Variants in ICE1 observed in about 807,000 individuals in gnomAD.
ICE1 encodes little elongation complex subunit 1.
In ICE1, 64 loss-of-function variants were observed where a neutral mutation model predicts 192.7. That is an observed-to-expected ratio of 0.33 (90% CI 0.27 to 0.41). ICE1 has a LOEUF of 0.41. Ranked by LOEUF, ICE1 falls within the 10% of genes least tolerant of loss-of-function variation. The pLI, the probability that ICE1 is intolerant of heterozygous loss-of-function variation, is 1.00. For missense variants in ICE1, 2,708 were observed against 2,696.0 expected (o/e 1.00, Z -0.10); for synonymous variants, 1,010 against 984.5 (o/e 1.03, Z -0.49).
chr5:5,449,074 C>T (rs1738336206), intron 10 of ICE1, among the ~76,000 whole-genome samples: 2 of 150,796 alleles, frequency 1.3e-5, no homozygotes, highest in Non-Finnish European at 2.9e-5. Context: ...CTATTCAAAG[C>T]AGAACCCTTC....
At position 5,460,557 on chromosome 5, in the gene ICE1, GA is replaced by G; in HGVS notation, c.1229del (p.Asn410IlefsTer20). The G allele has an allele frequency of 6.2e-7, 1 of 1,612,260 alleles. No individual in the cohort carries two copies. On this transcript the variant is annotated frameshift_variant, in exon 13 of 19. Coordinates refer to ENST00000296564, the MANE Select transcript of ICE1 (RefSeq NM_015325.3). LOFTEE classifies it high-confidence loss of function. Reference protein sequence around the residue: ...TESQNYFGSLRKNKGSGTWEE... With the variant: ...TESQNYFGSLXKNKGSGTWEE... ...TCACAGAATTATTTTGGCTCATTGA[GA>G]AAAAATAAAGGAAGTGGCACATGGG...
chr5:5,433,713 A>T (rs987254521), intron 1 of ICE1, among the ~76,000 whole-genome samples: 2 of 152,182 alleles, frequency 1.3e-5, no homozygotes, highest in African/African-American at 4.8e-5. Flanking sequence ...AAATAAGGTC[A>T]TTCTAAAATA....
Position 5,441,235 on chromosome 5 carries a change from A to C in ICE1, c.309+12A>C. On this transcript the variant is annotated intron_variant, in intron 5 of 18. Transcript: ENST00000296564. Reference sequence around the variant, plus strand: ...TAGAAGAGAAAAAGGTATGAACAATAATTTTCTGTAAAGATTTACGGTCAA... The same window carrying C: ...TAGAAGAGAAAAAGGTATGAACAATCATTTTCTGTAAAGATTTACGGTCAA... The C allele has an allele frequency of 6.9e-7, 1 of 1,455,608 alleles. No homozygotes were observed. Among genetic ancestry groups the C allele is most frequent in the Non-Finnish European group, 9.4e-7 (1 of 1,060,430 alleles). 90.2% of individuals were successfully genotyped at this position (1,455,608 alleles called of 1,614,324 possible).
intron 14 of ICE1, among the ~76,000 whole-genome samples, chr5:5,467,576 T>C (rs1418555137): frequency 1.3e-5 from 2 of 152,230 alleles, no homozygotes; most frequent in African/African-American, 4.8e-5. Flanking sequence ...ACTTACCACT[T>C]CTTAAAGATT....
Position 5,457,569 on chromosome 5 carries a change from G to T in ICE1, c.929G>T (p.Ser310Ile). 1 of 1,614,014 alleles carries T rather than the reference G, an allele frequency of 6.2e-7. No homozygotes were observed. Among genetic ancestry groups the T allele is most frequent in the African/African-American group, 1.3e-5 (1 of 75,062 alleles). Residue 310 changes from serine (S) to isoleucine (I), a missense_variant, in exon 12 of 19, where the codon AGT (serine) becomes ATT (isoleucine). Ser to Ile is a moderately radical substitution (Grantham distance 142, BLOSUM62 -2). This residue lies in a region of ICE1 where 2,366 missense variants were observed against 2,276.6 expected (regional missense o/e 1.04). Transcript: ENST00000296564. ...GGAAATCTTGAGGTTTTAGTACAAA[G>T]TCATCGTGACGGTGGTAGTACTGAA... The part of the protein sequence containing the change: ...ENGNLEVLVQ[S>I]HRDGGSTEFV...
chr5:5,487,450 CAG>C (rs1739665534), intron 18 of ICE1, among the ~76,000 whole-genome samples: 1 of 152,126 alleles, frequency 6.6e-6, no homozygotes, highest in South Asian at 2.1e-4. Flanking sequence ...CAGAAATGCA[CAG>C]AGTTACATTT....
intron 15 of ICE1, among the ~76,000 whole-genome samples, chr5:5,470,550 CACTT>C (rs1327139860): frequency 2.0e-5 from 3 of 151,226 alleles, no homozygotes; most frequent in East Asian, 1.9e-4. Context: ...TCCAAATACT[CACTT>C]ACAGAATTAA....
In ICE1 at chr5:5,422,939, G is replaced by A; in HGVS notation, c.24G>A (p.Ser8=). MMPGETH[S]AAPGTAADLS... ...CCATGATGCCGGGCGAGACCCATTC[G>A]GCGGCGCCCGGGACGGCGGCGGACC... Residue 8 remains serine, a synonymous_variant, in exon 1 of 19, where the codon TCG becomes TCA. Transcript: ENST00000296564. 6.9e-7 allele frequency: 1 copy of A among 1,446,268 alleles called. No homozygotes were observed. Among genetic ancestry groups the A allele is most frequent in the Non-Finnish European group, 9.1e-7 (1 of 1,100,998 alleles). The allele number at this position is 1,446,268 out of a possible 1,614,324, so 89.6% of individuals were successfully genotyped here.
intron 12 of ICE1, among the ~76,000 whole-genome samples, chr5:5,458,047 A>T (rs1431290302): frequency 6.6e-6 from 1 of 152,206 alleles, no homozygotes; most frequent in African/African-American, 2.4e-5. Flanking sequence ...GGAATGACTG[A>T]ATTAAACACA....
rs530519733 is a variant in ICE1, at chr5:5,463,645, C to A, written c.4311C>A (p.Asp1437Glu). 2 of 1,613,946 alleles carry A rather than the reference C, an allele frequency of 1.2e-6. No individual in the cohort carries two copies. Among genetic ancestry groups the A allele is most frequent in the Admixed American group, 1.7e-5 (1 of 60,028 alleles). The change falls in exon 13 of 19, where the codon GAC becomes GAA. Residue 1437 changes from aspartate (D) to glutamate (E), a missense_variant. Transcript: ENST00000296564. ...ISGVAVLPHV[D>E]QVTLCDIPGD... ...GTGTAGCTGTCTTGCCACATGTGGA[C>A]CAGGTCACACTGTGTGACATTCCTG...
chr5:5,455,288 AC>A (rs1321921448), intron 11 of ICE1, among the ~76,000 whole-genome samples: 2 of 152,182 alleles, frequency 1.3e-5, no homozygotes, highest in Non-Finnish European at 2.9e-5. Context: ...ACTGATTCTT[AC>A]TTATGGTGGA....
intron 15 of ICE1, among the ~76,000 whole-genome samples, chr5:5,470,457 A>G (rs1739128854): frequency 6.6e-6 from 1 of 152,250 alleles, no homozygotes; most frequent in African/African-American, 2.4e-5. Context: ...TATTTGCTAA[A>G]TATTGTATCA....
chr5:5,463,247 T>C lies in ICE1; in HGVS notation c.3913T>C (p.Phe1305Leu). ...TTENLKEKSP[F>L]RETTGSSSHA... ...TGAGAATTTAAAAGAGAAAAGTCCA[T>C]TTCGGGAAACGACTGGCTCCTCATC... The change falls in exon 13 of 19, where the codon TTT (phenylalanine) becomes CTT (leucine). Residue 1305 changes from phenylalanine (F) to leucine (L), a missense_variant. Transcript: ENST00000296564. The C allele has an allele frequency of 6.2e-7, 1 of 1,612,768 alleles. No individual in the cohort carries two copies. The highest frequency in any genetic ancestry group is 1.3e-5 in the African/African-American group (1 of 74,974).
At chr5:5,441,941 G>A (rs140651460) in intron 5 of ICE1, among the ~76,000 whole-genome samples, 3 of 152,216 alleles carry the variant, frequency 2.0e-5, no homozygotes, top group African/African-American at 7.2e-5. Flanking sequence ...TCAGGTTAGG[G>A]GTTATTTCTT....
At chr5:5,486,640 A>C in intron 17 of ICE1, 81 bp from the exon 18 acceptor site, 1 of 918,482 alleles carries the variant, frequency 1.1e-6, no homozygotes, top group Non-Finnish European at 1.7e-6. Flanking sequence ...ACCTCTTGTA[A>C]GAGAAGTGGA....
At position 5,461,129 on chromosome 5, in the gene ICE1, A is replaced by G. The variant is rs1444908661; in HGVS notation, c.1795A>G (p.Thr599Ala). 5.6e-6 allele frequency: 9 copies of G among 1,614,022 alleles called. No individual in the cohort carries two copies. The highest frequency in any genetic ancestry group is 7.6e-6 in the Non-Finnish European group (9 of 1,179,882). The part of the protein sequence containing the change: ...SRELEKEKED[T>A]QGFTLGESPE... ...AGAATTGGAAAAGGAAAAAGAAGAT[A>G]CTCAAGGGTTCACTTTAGGAGAATC... Residue 599 changes from threonine to alanine, a missense_variant, in exon 13 of 19, where the codon ACT (threonine) becomes GCT (alanine). This residue lies in a region of ICE1 where 2,366 missense variants were observed against 2,276.6 expected (regional missense o/e 1.04). Transcript: ENST00000296564.
intron 17 of ICE1, among the ~76,000 whole-genome samples, chr5:5,484,651 G>A (rs1739588817): frequency 6.6e-6 from 1 of 152,172 alleles, no homozygotes; most frequent in Non-Finnish European, 1.5e-5. Flanking sequence ...TATGTACTGA[G>A]CATCTGCTGT....
At position 5,462,839 on chromosome 5, in the gene ICE1, A is replaced by G. The variant is rs776226285; in HGVS notation, c.3505A>G (p.Arg1169Gly). The G allele has an allele frequency of 1.2e-5, 20 of 1,610,040 alleles. No individual in the cohort carries two copies. Among genetic ancestry groups the G allele is most frequent in the Admixed American group, 1.7e-5 (1 of 59,292 alleles). ...FNISTFSELD[R>G]LSTSEVVMFL... ...CATAAGTACTTTTTCTGAGCTGGAT[A>G]GACTTTCCACATCAGAGGTTGTGAT... Residue 1169 changes from arginine to glycine, a missense_variant, in exon 13 of 19, where the codon AGA (arginine) becomes GGA (glycine). Arg to Gly is a moderately radical substitution (Grantham distance 125). Transcript: ENST00000296564.
At chr5:5,423,101 G>A (rs1309134606) in intron 1 of ICE1, 102 bp downstream of exon 1, 8 of 619,424 alleles carry the variant, frequency 1.3e-5, no homozygotes, top group Admixed American at 4.5e-5. Flanking sequence ...GCCTCAGTGC[G>A]CTGCTCTCCC....
Sources: allele counts gnomAD v4.1 joint callset (sites outside exome capture counted in the v4.1 genomes callset), GRCh38; gene constraint gnomAD v4.1.1; regional missense constraint gnomAD v4.1.1; transcripts MANE v1.5; gene names NCBI Gene and HGNC (gene_info 2026-07-23, HGNC 2026-07-21).